Variants in MDN1 observed in about 807,000 individuals in gnomAD.
MDN1 encodes midasin AAA ATPase 1.
A neutral mutation model predicts 669.2 loss-of-function variants in MDN1; 266 were observed. The ratio of observed to expected loss-of-function variants is 0.40; its 90% CI spans 0.36 to 0.44. MDN1 has a LOEUF of 0.44. Among genes scored for constraint, MDN1 ranks in the 20% least tolerant of loss-of-function variants. The probability of loss-of-function intolerance (pLI) is 1.00; values close to 1 mark genes in which losing one functional copy is unlikely to be tolerated. For missense variants in MDN1, 5,940 were observed against 6,754.0 expected (o/e 0.88, Z 4.22); for synonymous variants, 2,385 against 2,457.1 (o/e 0.97, Z 0.87).
intron 1 of MDN1, among the ~76,000 whole-genome samples, chr6:89,805,009 CCTGGGCGACAGCGAGA>C (rs1184816966): frequency 5.4e-5 from 7 of 129,066 alleles, no homozygotes; most frequent in Admixed American, 4.5e-4. Context: ...TGCACTCTAG[CCTGGGCGACAGCGAGA>C]CTCCGTCTCA....
chr6:89,744,885 A>AAAT (rs996087849), intron 29 of MDN1, among the ~76,000 whole-genome samples: 7 of 152,070 alleles, frequency 4.6e-5, no homozygotes, highest in Non-Finnish European at 1.0e-4. Flanking sequence ...CCATCTCCAA[A>AAAT]AATAATAATA....
intron 34 of MDN1, among the ~76,000 whole-genome samples, chr6:89,731,351 TG>T (rs1207695275): frequency 6.6e-6 from 1 of 152,168 alleles, no homozygotes; most frequent in Non-Finnish European, 1.5e-5. Context: ...AGCAAAGACT[TG>T]GAACCAACCC....
chr6:89,795,991 A>G (rs1819572319), intron 2 of MDN1, among the ~76,000 whole-genome samples: 1 of 151,962 alleles, frequency 6.6e-6, no homozygotes, highest in African/African-American at 2.4e-5. Flanking sequence ...GGGACATCAT[A>G]TTATATAACC....
intron 29 of MDN1, among the ~76,000 whole-genome samples, chr6:89,744,774 C>T (rs1349716526): frequency 1.3e-5 from 2 of 150,286 alleles, no homozygotes; most frequent in Non-Finnish European, 3.0e-5. Context: ...TCCCAGCTAC[C>T]TGGGAGGCTG....
At chr6:89,815,818 TCCAGTGCCAAGGCCCTTGG>T (rs1182854243) in intron 1 of MDN1, among the ~76,000 whole-genome samples, 23 of 152,318 alleles carry the variant, frequency 1.5e-4, no homozygotes, top group African/African-American at 5.5e-4. Flanking sequence ...CCACTGTGTT[TCCAGTGCCAAGGCCCTTGG>T]GGGCACCACT....
In MDN1 at chr6:89,723,688, AT is replaced by A. The variant is rs1448325548; in HGVS notation, c.5671-70del. 7.8e-6 allele frequency: 6 copies of A among 770,276 alleles called. No individual in the cohort carries two copies. In the African/African-American group the frequency reaches 1.1e-4, roughly 14 times the overall value. The allele number at this position is 770,276 out of a possible 1,614,324, so 47.7% of individuals were successfully genotyped here. ...TTACCAAACACTAGAAATGACTACC[AT>A]GTCTTATTATGCAAAATCTTTAATA... On this transcript the variant is annotated intron_variant, in intron 38 of 101. Coordinates refer to ENST00000369393, the MANE Select transcript of MDN1 (RefSeq NM_014611.3).
intron 52 of MDN1, among the ~76,000 whole-genome samples, chr6:89,706,801 TTAGA>T (rs1471131233): frequency 3.3e-5 from 5 of 152,136 alleles, no homozygotes; most frequent in East Asian, 1.9e-4. Flanking sequence ...GTACATATGT[TTAGA>T]TAGATAGTTA....
intron 80 of MDN1, 137 bp downstream of exon 80, chr6:89,673,099 G>C (rs767516303): frequency 2.8e-6 from 2 of 725,230 alleles, no homozygotes; most frequent in Non-Finnish European, 4.5e-6. Flanking sequence ...GATTTCAACC[G>C]CACCTCCCTG....
Position 89,732,685 on chromosome 6 carries a change from A to T in MDN1, c.4814T>A (p.Ile1605Asn). 6.2e-7 allele frequency: 1 copy of T among 1,614,034 alleles called. No homozygotes were observed. Among genetic ancestry groups the T allele is most frequent in the South Asian group, 1.1e-5 (1 of 91,056 alleles). The change falls in exon 34 of 102, where the codon ATC becomes AAC. Residue 1605 changes from isoleucine (I) to asparagine (N), a missense_variant. Ile to Asn is a moderately radical substitution (Grantham distance 149). Transcript: ENST00000369393. Reference sequence around the variant, plus strand: ...GTTCATGAAGTTAACCCAGGACAGGATATCTCTGATACTGACCACACACTT... The same window carrying T: ...GTTCATGAAGTTAACCCAGGACAGGTTATCTCTGATACTGACCACACACTT... Reference protein sequence around the residue: ...GRKCVVSIRDILSWVNFMNKM... With the variant: ...GRKCVVSIRDNLSWVNFMNKM...
intron 15 of MDN1, among the ~76,000 whole-genome samples, chr6:89,764,080 G>A (rs776620683): frequency 2.6e-5 from 4 of 152,114 alleles, no homozygotes; most frequent in Non-Finnish European, 5.9e-5. Context: ...GCTAGGTGTG[G>A]TGATGCACAT....
chr6:89,662,363 G>A, intron 86 of MDN1, 124 bp from the exon 87 acceptor site: 1 of 929,760 alleles, frequency 1.1e-6, no homozygotes, highest in Non-Finnish European at 1.6e-6. Context: ...GGCTGATAAA[G>A]TGCCATCCGT....
chr6:89,678,675 C>A lies in MDN1; in HGVS notation c.12336G>T (p.Gln4112His). 6.2e-7 allele frequency: 1 copy of A among 1,614,178 alleles called. No individual in the cohort carries two copies. The highest frequency in any genetic ancestry group is 8.5e-7 in the Non-Finnish European group (1 of 1,180,004). ...TGAGAATGTGCTTGGCTTCTGACCGCTGCTTCTCCTTCTCTGCAGAGGGTT... is the reference window on the plus strand; with the variant it reads ...TGAGAATGTGCTTGGCTTCTGACCGATGCTTCTCCTTCTCTGCAGAGGGTT... ...KVEPSAEKEK[Q>H]RSEAKHILMQ... Residue 4112 changes from glutamine (Q) to histidine (H), a missense_variant, in exon 75 of 102, where the codon CAG (glutamine) becomes CAT (histidine). Physicochemically the swap from Gln to His is conservative, Grantham distance 24. Around this residue, in one of 5 missense-constraint regions of MDN1, gnomAD observed 2,280 missense variants for 2,576.3 expected, o/e 0.88. Coordinates refer to ENST00000369393, the MANE Select transcript of MDN1 (RefSeq NM_014611.3).
Position 89,714,467 on chromosome 6 carries a change from A to T in MDN1, c.7069+76T>A, listed in dbSNP as rs1814189226. The T allele has an allele frequency of 2.4e-6, 3 of 1,231,568 alleles. No individual in the cohort carries two copies. In the Admixed American group the frequency reaches 7.1e-5, roughly 29 times the overall value. The allele number at this position is 1,231,568 out of a possible 1,614,324, so 76.3% of individuals were successfully genotyped here. A position where few individuals can be genotyped will look rare whatever the true frequency, so the allele number is the denominator to read the frequency against. Reference sequence around the variant, plus strand: ...ATACACTAAATGTACGAAATCTTTGATGAGCAGTCCAATGGAATGACATAA... The same window carrying T: ...ATACACTAAATGTACGAAATCTTTGTTGAGCAGTCCAATGGAATGACATAA... On this transcript the variant is annotated intron_variant, in intron 46 of 101. Transcript: ENST00000369393.
At chr6:89,784,575 T>G (rs1440446045) in intron 9 of MDN1, among the ~76,000 whole-genome samples, 1 of 152,164 alleles carries the variant, frequency 6.6e-6, no homozygotes, top group Non-Finnish European at 1.5e-5. Context: ...TACTAGAAAC[T>G]GAATCAATGT....
chr6:89,699,556 C>T (rs79412751), intron 58 of MDN1, 45 bp downstream of exon 58: 2 of 1,541,540 alleles, frequency 1.3e-6, no homozygotes, highest in Non-Finnish European at 1.7e-6. Context: ...AAAATCTAAC[C>T]AACTCATAAT....
At chr6:89,778,250 T>A (rs1818451582) in intron 11 of MDN1, among the ~76,000 whole-genome samples, 1 of 151,810 alleles carries the variant, frequency 6.6e-6, no homozygotes, top group South Asian at 2.1e-4. Context: ...GCAAATTGCT[T>A]TCGTCTCAGT....
At chr6:89,805,178 T>C (rs1409966818) in intron 1 of MDN1, among the ~76,000 whole-genome samples, 1 of 152,152 alleles carries the variant, frequency 6.6e-6, no homozygotes, top group Non-Finnish European at 1.5e-5. Context: ...CCCAGCAATG[T>C]AACATCAGGT....
intron 15 of MDN1, among the ~76,000 whole-genome samples, chr6:89,766,808 T>A (rs921494447): frequency 6.6e-6 from 1 of 152,244 alleles, no homozygotes; most frequent in East Asian, 1.9e-4. Flanking sequence ...TGCATGCTCC[T>A]GCCATATGCT....
intron 69 of MDN1, among the ~76,000 whole-genome samples, chr6:89,686,250 C>A (rs1268064708): frequency 6.6e-6 from 1 of 152,080 alleles, no homozygotes; most frequent in African/African-American, 2.4e-5. Context: ...CATGGTGAAA[C>A]CTCGTGTCTA....
Sources: allele counts gnomAD v4.1 joint callset (sites outside exome capture counted in the v4.1 genomes callset), GRCh38; gene constraint gnomAD v4.1.1; regional missense constraint gnomAD v4.1.1; transcripts MANE v1.5; gene names NCBI Gene and HGNC (gene_info 2026-07-23, HGNC 2026-07-21).